PLXNA1: variants seen among roughly 807,000 people sequenced by gnomAD.
PLXNA1 encodes plexin-A1.
A neutral mutation model predicts 191.7 loss-of-function variants in PLXNA1; 77 were observed. The ratio of observed to expected loss-of-function variants is 0.40; its 90% CI spans 0.33 to 0.49. The LOEUF is 0.49. PLXNA1 is among the 20% of genes least tolerant of loss of function. The pLI is 0.63. For synonymous variants in PLXNA1, 1,137 were observed against 1,156.4 expected, an observed-to-expected ratio of 0.98 and a Z score of 0.34; for missense variants, 2,110 against 2,660.2, an observed-to-expected ratio of 0.79 and a Z score of 4.55.
chr3:127,010,930 C>T (rs1363883291), intron 9 of PLXNA1, among the ~76,000 whole-genome samples: 3 of 152,180 alleles, frequency 2.0e-5, no homozygotes, highest in East Asian at 1.9e-4. Context: ...CGGGCGCTCA[C>T]GGGCAGCCTA....
At position 126,989,710 on chromosome 3, in the gene PLXNA1, A is replaced by G; in HGVS notation, c.1117A>G (p.Ile373Val). 1.2e-6 allele frequency: 2 copies of G among 1,613,080 alleles called. No homozygotes were observed. The highest frequency in any genetic ancestry group is 1.7e-6 in the Non-Finnish European group (2 of 1,180,026). ...RAIKEKIKER[I>V]QSCYRGEGKL... Reference sequence around the variant, plus strand: ...CATCAAGGAGAAGATTAAGGAGCGCATCCAGTCCTGCTACCGTGGTGAGGG... The same window carrying G: ...CATCAAGGAGAAGATTAAGGAGCGCGTCCAGTCCTGCTACCGTGGTGAGGG... The change falls in exon 2 of 32, where the codon ATC becomes GTC. Residue 373 changes from isoleucine to valine, a missense_variant. This residue lies in a region of PLXNA1 where 903 missense variants were observed against 1,015.7 expected (regional missense o/e 0.89). Coordinates refer to ENST00000393409, the MANE Select transcript of PLXNA1 (RefSeq NM_032242.4).
At chr3:127,029,851 G>C in intron 27 of PLXNA1, 23 bp from the exon 28 acceptor site, 1 of 1,578,880 alleles carries the variant, frequency 6.3e-7, no homozygotes, top group South Asian at 1.1e-5. Flanking sequence ...GCCAACGCGG[G>C]CGCTGACAGC....
intron 25 of PLXNA1, 71 bp downstream of exon 25, chr3:127,028,411 G>A: frequency 1.3e-6 from 2 of 1,496,314 alleles, no homozygotes; most frequent in Non-Finnish European, 1.8e-6. Flanking sequence ...GCCTAGTACT[G>A]AGCTTGGCGG....
intron 3 of PLXNA1, among the ~76,000 whole-genome samples, 186 bp from the exon 4 acceptor site, chr3:127,003,138 ACTGGGG>A (rs201384868): frequency 1.1e-4 from 17 of 149,036 alleles, no homozygotes; most frequent in South Asian, 4.5e-4. Flanking sequence ...TTTGCCCTGC[ACTGGGG>A]CTGGGGCTGG....
At chr3:127,022,885 G>A in intron 23 of PLXNA1, 67 bp downstream of exon 23, 1 of 1,378,970 alleles carries the variant, frequency 7.3e-7, no homozygotes, top group South Asian at 1.2e-5. Context: ...AACGGAGAGA[G>A]GTGGGGATTA....
chr3:127,001,220 C>T lies in PLXNA1; in HGVS notation c.1378-2110C>T, dbSNP rs1156699119. ...TGGTGTGCCCCCTGGACCTGCCCTTCTGTGACCCGTTTCTTCACCCCTTGG... is the reference window on the plus strand; with the variant it reads ...TGGTGTGCCCCCTGGACCTGCCCTTTTGTGACCCGTTTCTTCACCCCTTGG... On this transcript the variant is annotated intron_variant, in intron 3 of 31. Transcript: ENST00000393409. 2.0e-5 allele frequency among the ~76,000 whole-genome samples: 3 copies of T among 152,178 alleles called. 1 individual carries two copies. Among genetic ancestry groups the T allele is most frequent in the African/African-American group, 7.2e-5 (3 of 41,438 alleles).
chr3:127,017,237 T>G (rs973536289), intron 17 of PLXNA1, among the ~76,000 whole-genome samples, 188 bp from the exon 18 acceptor site: 2 of 152,206 alleles, frequency 1.3e-5, no homozygotes, highest in African/African-American at 4.8e-5. Flanking sequence ...GGTTGCTGGC[T>G]GCACACACCT....
intron 31 of PLXNA1, 87 bp downstream of exon 31, chr3:127,032,923 C>A: frequency 7.2e-7 from 1 of 1,384,516 alleles, no homozygotes; most frequent in South Asian, 1.3e-5. Context: ...CCTGCCACTC[C>A]TCCCTGAATC....
In PLXNA1 at chr3:127,034,158, G is replaced by C. The variant is rs889253231; in HGVS notation, c.*141G>C. On this transcript the variant is annotated 3_prime_UTR_variant, in exon 32 of 32. Transcript: ENST00000393409. ...GCGACTGCCCGGCCCTCCCTCCCCTGCCTCACCCGGTCGGGTCCCGGCTCT... is the reference window on the plus strand; with the variant it reads ...GCGACTGCCCGGCCCTCCCTCCCCTCCCTCACCCGGTCGGGTCCCGGCTCT... 10 of 712,592 alleles carry C rather than the reference G, an allele frequency of 1.4e-5. No homozygotes were observed. The highest frequency in any genetic ancestry group is 1.1e-4 in the Admixed American group (4 of 36,832). 44.1% of individuals were successfully genotyped at this position (712,592 alleles called of 1,614,324 possible).
intron 9 of PLXNA1, among the ~76,000 whole-genome samples, chr3:127,009,058 C>T (rs770829222): frequency 4.6e-5 from 7 of 152,108 alleles, no homozygotes; most frequent in East Asian, 1.9e-4. Context: ...GAATCTGAGG[C>T]GAGAGCTGGT....
intron 2 of PLXNA1, among the ~76,000 whole-genome samples, chr3:126,990,408 ACCCAT>A (rs2078984516): frequency 6.6e-6 from 1 of 152,214 alleles, no homozygotes; most frequent in South Asian, 2.1e-4. Context: ...AGCCCCCAGC[ACCCAT>A]CAGAAGGCAC....
Position 127,016,576 on chromosome 3 carries a change from CCAT to C in PLXNA1, c.3083_3085del (p.Ile1028del). 1.2e-6 allele frequency: 2 copies of C among 1,613,948 alleles called. No homozygotes were observed. The highest frequency in any genetic ancestry group is 1.7e-6 in the Non-Finnish European group (2 of 1,179,950). On this transcript the variant is annotated inframe_deletion, in exon 16 of 32. Transcript: ENST00000393409. Reference sequence around the variant, plus strand: ...CCCGGGCAGAGCCCTGGCAGCGCTCCCATCATCATCAACATCAACCGCGCCCAG... The same window carrying C: ...CCCGGGCAGAGCCCTGGCAGCGCTCCCATCATCAACATCAACCGCGCCCAG...
At chr3:127,020,059 G>A (rs1247081591) in intron 20 of PLXNA1, 143 bp from the exon 21 acceptor site, 8 of 995,140 alleles carry the variant, frequency 8.0e-6, no homozygotes, top group African/African-American at 3.2e-5. Context: ...GCTGGGGGAC[G>A]AAGAGGCACA....
intron 23 of PLXNA1, 89 bp from the exon 24 acceptor site, chr3:127,027,845 CCAGGAA>C: frequency 6.5e-7 from 1 of 1,540,498 alleles, no homozygotes; most frequent in African/African-American, 1.4e-5. Context: ...TTTCTCCTTG[CCAGGAA>C]CACCATGGCT....
chr3:127,025,832 G>A (rs934277694), intron 23 of PLXNA1, among the ~76,000 whole-genome samples: 5 of 152,204 alleles, frequency 3.3e-5, no homozygotes, highest in African/African-American at 1.2e-4. Flanking sequence ...AGAAAGGAAG[G>A]AAATTCTGAC....
intron 8 of PLXNA1, among the ~76,000 whole-genome samples, chr3:127,006,489 T>C (rs1038007963): frequency 6.6e-6 from 1 of 152,186 alleles, no homozygotes; most frequent in Non-Finnish European, 1.5e-5. Flanking sequence ...AGGGATCTTG[T>C]AGGGCCCCAG....
Position 126,988,629 on chromosome 3 carries a change from G to C in PLXNA1, c.36G>C (p.Leu12=). ...CACCGCGGAGCCTGCAGGTGCTCCT[G>C]CTGCTGCTGCTGTTGCTGCTGCTGC... The part of the protein sequence containing the change: ...PLPPRSLQVL[L]LLLLLLLLLP... Residue 12 remains leucine (L), a synonymous_variant, in exon 2 of 32, where the codon CTG becomes CTC. Transcript: ENST00000393409. The C allele has an allele frequency of 6.5e-7, 1 of 1,531,262 alleles. No individual in the cohort carries two copies. Among genetic ancestry groups the C allele is most frequent in the African/African-American group, 1.4e-5 (1 of 72,952 alleles). 94.9% of individuals were successfully genotyped at this position (1,531,262 alleles called of 1,614,324 possible).
Position 126,987,628 on chromosome 3 carries a change from G to T in PLXNA1, c.-73-893G>T, listed in dbSNP as rs2107619573. 3.3e-5 allele frequency among the ~76,000 whole-genome samples: 5 copies of T among 152,320 alleles called. No homozygotes were observed. In the South Asian group the frequency reaches 1.0e-3, roughly 32 times the overall value. ...AGGGGTCACTGTGGAGGGGTGGAGT[G>T]CAGGGAGCACCTGCCAGCCTTCCCT... On this transcript the variant is annotated intron_variant, in intron 1 of 31. Coordinates refer to ENST00000393409, the MANE Select transcript of PLXNA1 (RefSeq NM_032242.4).
chr3:127,007,092 C>G (rs1435728618), intron 8 of PLXNA1, among the ~76,000 whole-genome samples: 2 of 152,142 alleles, frequency 1.3e-5, no homozygotes, highest in Non-Finnish European at 2.9e-5. Flanking sequence ...GGTGGGGGAT[C>G]TCTGGGGCAG....
Sources: allele counts gnomAD v4.1 joint callset (sites outside exome capture counted in the v4.1 genomes callset), GRCh38; gene constraint gnomAD v4.1.1; regional missense constraint gnomAD v4.1.1; transcripts MANE v1.5; gene names NCBI Gene and HGNC (gene_info 2026-07-23, HGNC 2026-07-21).